The following VWA3B variants were observed in gnomAD, a reference collection of about 807,000 sequenced individuals.
VWA3B encodes von Willebrand factor A domain-containing protein 3B.
A neutral mutation model predicts 158.3 loss-of-function variants in VWA3B; 138 were observed. The observed-to-expected ratio is 0.87, with a 90% CI of 0.76 to 1.00. VWA3B has a LOEUF of 1.00. VWA3B is among the 50% of genes least tolerant of loss of function. VWA3B has a pLI of 0.00. For missense variants in VWA3B, 1,555 were observed against 1,565.1 expected (o/e 0.99, Z 0.11); for synonymous variants, 596 against 587.3 (o/e 1.01, Z -0.21).
At chr2:98,310,287 A>C (rs1180102237) in intron 26 of VWA3B, among the ~76,000 whole-genome samples, 3 of 152,192 alleles carry the variant, frequency 2.0e-5, no homozygotes, top group Non-Finnish European at 1.5e-5. Flanking sequence ...CCAATGCTTT[A>C]TTCAGCAAAG....
At chr2:98,109,979 A>G (rs1674015015) in intron 2 of VWA3B, among the ~76,000 whole-genome samples, 1 of 151,440 alleles carries the variant, frequency 6.6e-6, no homozygotes, top group Non-Finnish European at 1.5e-5. Context: ...ATTTATTTGC[A>G]TTTATTATCT....
chr2:98,179,945 T>C (rs1381130659), intron 8 of VWA3B, among the ~76,000 whole-genome samples: 1 of 143,592 alleles, frequency 7.0e-6, no homozygotes, highest in African/African-American at 2.6e-5. Context: ...CCTCCCTCCT[T>C]TCTCTCTTTC....
chr2:98,275,311 C>T (rs1050030813), intron 22 of VWA3B, among the ~76,000 whole-genome samples: 2 of 152,180 alleles, frequency 1.3e-5, no homozygotes, highest in African/African-American at 4.8e-5. Flanking sequence ...CTTAGATACC[C>T]GTGGGGCACA....
Position 98,270,724 on chromosome 2 carries a change from A to G in VWA3B, c.2886A>G (p.Thr962=). The change falls in exon 22 of 28, where the codon ACA becomes ACG. Residue 962 remains threonine, a synonymous_variant. Coordinates refer to ENST00000477737, the MANE Select transcript of VWA3B (RefSeq NM_144992.5). The part of the protein sequence containing the change: ...NKPIQYLENK[T]VLNQALERLN... ...CAATACAGTACTTGGAAAACAAAAC[A>G]GTTTTAAACCAGGCTTTAGAACGGT... 6.2e-7 allele frequency: 1 copy of G among 1,614,164 alleles called. No individual in the cohort carries two copies. Among genetic ancestry groups the G allele is most frequent in the African/African-American group, 1.3e-5 (1 of 75,046 alleles).
intron 22 of VWA3B, among the ~76,000 whole-genome samples, chr2:98,272,713 A>G (rs1433729879): frequency 6.6e-5 from 10 of 152,194 alleles, no homozygotes. Flanking sequence ...GCCAGGAATC[A>G]TGGAAGAAAA....
intron 2 of VWA3B, among the ~76,000 whole-genome samples, chr2:98,108,903 T>C (rs1673901564): frequency 6.6e-6 from 1 of 152,006 alleles, no homozygotes; most frequent in Non-Finnish European, 1.5e-5. Context: ...TTTTTCTCTG[T>C]TTTTGGCTTG....
At chr2:98,238,388 C>T (rs1685845571) in intron 19 of VWA3B, among the ~76,000 whole-genome samples, 1 of 152,140 alleles carries the variant, frequency 6.6e-6, no homozygotes, top group African/African-American at 2.4e-5. Flanking sequence ...AAACTGAACC[C>T]TAATTTATTT....
intron 22 of VWA3B, among the ~76,000 whole-genome samples, chr2:98,278,774 G>C (rs1003756922): frequency 6.6e-6 from 1 of 152,122 alleles, no homozygotes; most frequent in African/African-American, 2.4e-5. Flanking sequence ...GGGCCAGAGT[G>C]GTTTTGAAAA....
At chr2:98,312,063 G>A (rs1574335262) in intron 27 of VWA3B, 31 bp downstream of exon 27, 3 of 1,592,494 alleles carry the variant, frequency 1.9e-6, no homozygotes, top group African/African-American at 1.3e-5. Flanking sequence ...ACACAACATC[G>A]CTTATCTCAG....
At chr2:98,170,809 GTTGGCCAGGATGGTCTCTATCTC>G (rs1679520851) in intron 8 of VWA3B, among the ~76,000 whole-genome samples, 1 of 152,036 alleles carries the variant, frequency 6.6e-6, no homozygotes, top group African/African-American at 2.4e-5. Flanking sequence ...ATTTCACTGT[GTTGGCCAGGATGGTCTCTATCTC>G]TTGCCCTCAT....
At chr2:98,139,017 G>A (rs554615942) in intron 7 of VWA3B, among the ~76,000 whole-genome samples, 13 of 152,206 alleles carry the variant, frequency 8.5e-5, no homozygotes, top group Non-Finnish European at 1.0e-4. Context: ...AGGCACGAGC[G>A]GGAGCCGGGG....
rs780333968 is a variant in VWA3B at position 98,208,410 on chromosome 2, TTG to T, written c.1738-3514_1738-3513del. Among the ~76,000 whole-genome samples the T allele has an allele frequency of 2.6e-4, 40 of 152,268 alleles. No individual in the cohort carries two copies. In the East Asian group the frequency reaches 5.0e-3, roughly 19 times the overall value. ...GTCTCATTTTATTTATTTATTATTT[TTG>T]TGTGTCTCCTCTGTTTCTCATTTTT... On this transcript the variant is annotated intron_variant, in intron 12 of 27. Transcript: ENST00000477737.
rs190237949 is a variant in VWA3B at position 98,107,363 on chromosome 2, C to T, written c.197-8289C>T. 3.9e-5 allele frequency among the ~76,000 whole-genome samples: 6 copies of T among 151,914 alleles called. No homozygotes were observed. The East Asian group carries it at 7.7e-4, about 20-fold the overall frequency. ...GCTAGCTTCATAAAATGAGTTGGGA[C>T]GTATTCCTTCCTCTTCCATTCTCTA... is the stretch of plus-strand genomic sequence containing the variant. On this transcript the variant is annotated intron_variant, in intron 2 of 27. Coordinates refer to ENST00000477737, the MANE Select transcript of VWA3B (RefSeq NM_144992.5).
intron 22 of VWA3B, among the ~76,000 whole-genome samples, chr2:98,278,435 C>A (rs1688662272): frequency 6.6e-6 from 1 of 152,206 alleles, no homozygotes; most frequent in Non-Finnish European, 1.5e-5. Flanking sequence ...TGACAGCCCG[C>A]TGTATCCCTA....
intron 2 of VWA3B, among the ~76,000 whole-genome samples, chr2:98,106,523 G>T (rs1673675625): frequency 6.6e-6 from 1 of 152,082 alleles, no homozygotes; most frequent in Non-Finnish European, 1.5e-5. Context: ...TCACGAATAT[G>T]AAATATCTTT....
chr2:98,298,334 C>T (rs1689944003), intron 24 of VWA3B, among the ~76,000 whole-genome samples: 1 of 152,072 alleles, frequency 6.6e-6, no homozygotes, highest in Admixed American at 6.6e-5. Context: ...AAGGACATTG[C>T]TGTAGCTGCC....
intron 26 of VWA3B, among the ~76,000 whole-genome samples, chr2:98,309,604 A>G (rs1690761722): frequency 6.6e-6 from 1 of 152,234 alleles, no homozygotes; most frequent in Non-Finnish European, 1.5e-5. Flanking sequence ...TACCGTGCGC[A>G]GTGTTTAACA....
the VWA3B span, among the ~76,000 whole-genome samples, chr2:98,329,121 C>T: frequency 1.3e-5 from 2 of 152,126 alleles, no homozygotes; most frequent in African/African-American, 4.8e-5. Flanking sequence ...ATTAGAAAAA[C>T]TGGATATTCA....
chr2:98,300,286 G>C lies in VWA3B; in HGVS notation c.3420+70G>C, dbSNP rs1217286680. ...CCAGGCTGTATCCTGGCACTGCCAG[G>C]CTTCTTGATGAATGGTTTCCCTGGC... On this transcript the variant is annotated intron_variant, in intron 25 of 27. Transcript: ENST00000477737. The C allele has an allele frequency of 6.3e-6, 10 of 1,591,712 alleles. No homozygotes were observed. In the African/African-American group the frequency reaches 1.4e-4, roughly 22 times the overall value.
Sources: gnomAD v4.1 joint callset for allele counts (sites outside exome capture counted in the v4.1 genomes callset) on GRCh38, gnomAD v4.1.1 for gene constraint, MANE v1.5 for transcripts, NCBI Gene and HGNC (gene_info 2026-07-23, HGNC 2026-07-21) for gene names.